The following PREX1 variants were observed in gnomAD, a reference collection of about 807,000 sequenced individuals.
PREX1 encodes phosphatidylinositol 3,4,5-trisphosphate-dependent Rac exchanger 1 protein.
Under a neutral mutation model 198.3 loss-of-function variants are expected in PREX1, and 41 were observed. That is an observed-to-expected ratio of 0.21 (90% CI 0.16 to 0.27). PREX1 has a LOEUF of 0.27. PREX1 is among the 10% of genes least tolerant of loss of function. The probability of loss-of-function intolerance (pLI) is 1.00; values close to 1 mark genes in which losing one functional copy is unlikely to be tolerated. For missense variants in PREX1, 1,620 were observed against 2,200.7 expected, an observed-to-expected ratio of 0.74 and a Z score of 5.28; for synonymous variants, 843 against 887.2, an observed-to-expected ratio of 0.95 and a Z score of 0.89.
rs181969004 is a variant in PREX1 at position 48,776,866 on chromosome 20, A to G, written c.220-28986T>C. Among the ~76,000 whole-genome samples, 283 of 152,180 alleles carry G rather than the reference A, an allele frequency of 1.9e-3. 1 individual carries two copies. The highest frequency in any genetic ancestry group is 6.6e-3 in the African/African-American group (274 of 41,514). On this transcript the variant is annotated intron_variant, in intron 1 of 39. Coordinates refer to ENST00000371941, the MANE Select transcript of PREX1 (RefSeq NM_020820.4). Reference sequence around the variant, plus strand: ...AGTCAGTGGTAGTACTGTTAATCCCATTTTACAGATGAGAAAACTGAGGCA... The same window carrying G: ...AGTCAGTGGTAGTACTGTTAATCCCGTTTTACAGATGAGAAAACTGAGGCA...
intron 9 of PREX1, among the ~76,000 whole-genome samples, chr20:48,689,580 C>T (rs1412578556): frequency 1.3e-5 from 2 of 152,068 alleles, no homozygotes; most frequent in Non-Finnish European, 2.9e-5. Flanking sequence ...CACATCCCCA[C>T]CCGTGATCCC....
At chr20:48,654,918 A>G (rs1176401528) in intron 19 of PREX1, among the ~76,000 whole-genome samples, 1 of 152,246 alleles carries the variant, frequency 6.6e-6, no homozygotes, top group Non-Finnish European at 1.5e-5. Context: ...ATTGCGGCAG[A>G]GCCCCCAAAT....
chr20:48,713,081 C>T (rs988486973), intron 5 of PREX1, among the ~76,000 whole-genome samples: 24 of 150,834 alleles, frequency 1.6e-4, no homozygotes, highest in African/African-American at 9.8e-5. Flanking sequence ...CCAAAGGTTG[C>T]GGTGAGCCAA....
chr20:48,882,267 C>T, the PREX1 span, among the ~76,000 whole-genome samples: 1 of 151,866 alleles, frequency 6.6e-6, no homozygotes, highest in African/African-American at 2.4e-5. Flanking sequence ...CTTTGGGAGG[C>T]GGAGGCAGGC....
At chr20:48,819,210 T>A (rs543408445) in intron 1 of PREX1, among the ~76,000 whole-genome samples, 1 of 152,190 alleles carries the variant, frequency 6.6e-6, no homozygotes, top group Admixed American at 6.5e-5. Flanking sequence ...CTGCTCACCA[T>A]GCATCTGAGG....
chr20:48,780,444 C>T (rs1018189212), intron 1 of PREX1, among the ~76,000 whole-genome samples: 1 of 151,902 alleles, frequency 6.6e-6, no homozygotes, highest in African/African-American at 2.4e-5. Context: ...ACAGCAAGAC[C>T]CATCTCTACC....
chr20:48,663,614 T>C (rs1374357075), intron 15 of PREX1, among the ~76,000 whole-genome samples: 1 of 152,268 alleles, frequency 6.6e-6, no homozygotes, highest in African/African-American at 2.4e-5. Context: ...ATACTCTCTA[T>C]AGCTGCTTTT....
At chr20:48,673,541 G>GT (rs1220304352) in intron 14 of PREX1, among the ~76,000 whole-genome samples, 1 of 152,192 alleles carries the variant, frequency 6.6e-6, no homozygotes, top group African/African-American at 2.4e-5. Context: ...GTCCACAGCA[G>GT]TAAGAAGTGG....
chr20:48,819,855 A>AT (rs1166043887), intron 1 of PREX1, among the ~76,000 whole-genome samples: 1 of 152,192 alleles, frequency 6.6e-6, no homozygotes, highest in Non-Finnish European at 1.5e-5. Flanking sequence ...TATTGAATGA[A>AT]TAAGTCGATT....
chr20:48,801,884 A>G (rs1251778075), intron 1 of PREX1, among the ~76,000 whole-genome samples: 1 of 151,638 alleles, frequency 6.6e-6, no homozygotes, highest in African/African-American at 2.4e-5. Context: ...TTAGTTCCCC[A>G]AGAGTGGGTT....
rs116846868 is a variant in PREX1 at position 48,703,733 on chromosome 20, C to T, written c.784-2847G>A. Among the ~76,000 whole-genome samples the T allele has an allele frequency of 2.3e-3, 348 of 152,298 alleles. 4 individuals are homozygous for T. The East Asian group carries it at 0.044, about 19-fold the overall frequency. On this transcript the variant is annotated intron_variant, in intron 6 of 39. Coordinates refer to ENST00000371941, the MANE Select transcript of PREX1 (RefSeq NM_020820.4). ...CTCGGGGGACCTAGGAGAGGAAGTC[C>T]GCCAGCCTGGGAAGCTGCCTCTCCA...
At chr20:48,818,046 T>A (rs2090466438) in intron 1 of PREX1, among the ~76,000 whole-genome samples, 2 of 151,938 alleles carry the variant, frequency 1.3e-5, no homozygotes, top group African/African-American at 4.8e-5. Flanking sequence ...GTCAAGAACA[T>A]GATTTTGAGC....
rs183159736 is a variant in PREX1 at position 48,730,327 on chromosome 20, G to A, written c.520-3936C>T. ...TTCCCATCCCACTCAGAATAAAACG[G>A]AACATTCTCTAAGGCAAAGCCACGA... is the stretch of plus-strand genomic sequence containing the variant. On this transcript the variant is annotated intron_variant, in intron 4 of 39. Transcript: ENST00000371941. Among the ~76,000 whole-genome samples, 538 of 151,786 alleles carry A rather than the reference G, an allele frequency of 3.5e-3. 8 individuals carry two copies. Among genetic ancestry groups the A allele is most frequent in the Admixed American group, 0.032 (494 of 15,236 alleles).
chr20:48,860,202 G>A, the PREX1 span, among the ~76,000 whole-genome samples: 297 of 152,298 alleles, frequency 2.0e-3, no homozygotes, highest in African/African-American at 6.3e-3. Context: ...CCTTAAAAAT[G>A]AAGGACATTC....
intron 5 of PREX1, among the ~76,000 whole-genome samples, chr20:48,715,072 A>G (rs2089955765): frequency 6.6e-6 from 1 of 152,270 alleles, no homozygotes; most frequent in African/African-American, 2.4e-5. Context: ...CAAAGGAGAC[A>G]TACTATGGTA....
chr20:48,861,033 G>C, the PREX1 span, among the ~76,000 whole-genome samples: 2 of 152,066 alleles, frequency 1.3e-5, no homozygotes, highest in Non-Finnish European at 2.9e-5. Context: ...CCTTCCTGGG[G>C]CCCAGAAAGA....
intron 1 of PREX1, among the ~76,000 whole-genome samples, chr20:48,779,255 T>A (rs917833685): frequency 2.0e-5 from 3 of 152,238 alleles, no homozygotes; most frequent in Admixed American, 1.3e-4. Context: ...GGCAGCATCA[T>A]TAGCGATTAG....
At chr20:48,848,178 G>T in the PREX1 span, among the ~76,000 whole-genome samples, 1 of 151,930 alleles carries the variant, frequency 6.6e-6, no homozygotes, top group Admixed American at 6.5e-5. Flanking sequence ...TTTCCAAAGT[G>T]GTTGTACCAT....
At chr20:48,778,316 G>A (rs1429373185) in intron 1 of PREX1, among the ~76,000 whole-genome samples, 2 of 151,934 alleles carry the variant, frequency 1.3e-5, no homozygotes, top group African/African-American at 4.8e-5. Context: ...GCTCATGCCT[G>A]TAATCCCAGC....
Sources: allele counts gnomAD v4.1 joint callset (sites outside exome capture counted in the v4.1 genomes callset), GRCh38; gene constraint gnomAD v4.1.1; transcripts MANE v1.5; gene names NCBI Gene and HGNC (gene_info 2026-07-23, HGNC 2026-07-21).